The following LUZP2 variants were observed in gnomAD, a reference collection of about 807,000 sequenced individuals.
LUZP2 encodes leucine zipper protein 2.
LUZP2 carries 52 observed loss-of-function variants against 51.6 expected under a neutral mutation model. That is an observed-to-expected ratio of 1.01 (90% CI 0.81 to 1.27). The LOEUF is 1.27. LUZP2 is among the 50% of genes most tolerant of loss of function. The pLI, the probability that LUZP2 is intolerant of heterozygous loss-of-function variation, is 0.00. For synonymous variants in LUZP2, 154 were observed against 137.3 expected, an observed-to-expected ratio of 1.12 and a Z score of -0.85; for missense variants, 436 against 395.4, an observed-to-expected ratio of 1.10 and a Z score of -0.87.
At chr11:24,886,784 C>A (rs1730362001) in intron 5 of LUZP2, among the ~76,000 whole-genome samples, 1 of 152,048 alleles carries the variant, frequency 6.6e-6, no homozygotes, top group African/African-American at 2.4e-5. Flanking sequence ...GAATGCCATC[C>A]ATTTTCCTAA....
chr11:24,583,298 A>G (rs758701885), intron 1 of LUZP2, among the ~76,000 whole-genome samples: 5 of 152,118 alleles, frequency 3.3e-5, no homozygotes, highest in African/African-American at 4.8e-5. Flanking sequence ...TTTCTTAACC[A>G]GTTTGCCAGC....
At chr11:24,543,697 T>C (rs1325140352) in intron 1 of LUZP2, among the ~76,000 whole-genome samples, 4 of 151,758 alleles carry the variant, frequency 2.6e-5, no homozygotes, top group Non-Finnish European at 5.9e-5. Context: ...GGTGCGTGAC[T>C]GTAATCCCAG....
At chr11:24,718,634 T>G (rs982190822) in intron 1 of LUZP2, among the ~76,000 whole-genome samples, 2 of 152,174 alleles carry the variant, frequency 1.3e-5, no homozygotes, top group African/African-American at 4.8e-5. Flanking sequence ...TACAAAACAG[T>G]GTGCTAGTAT....
intron 5 of LUZP2, among the ~76,000 whole-genome samples, chr11:24,876,578 C>G (rs1174460735): frequency 6.9e-6 from 1 of 144,636 alleles, no homozygotes; most frequent in African/African-American, 2.6e-5. Context: ...CTTGGCGATG[C>G]GGGCTCTTTT....
chr11:24,721,244 C>A (rs1858259608), intron 1 of LUZP2, among the ~76,000 whole-genome samples: 1 of 152,004 alleles, frequency 6.6e-6, no homozygotes, highest in Non-Finnish European at 1.5e-5. Context: ...ATAACACCTG[C>A]CATAATGAAG....
chr11:24,753,666 T>C (rs1440281019), intron 4 of LUZP2, among the ~76,000 whole-genome samples: 1 of 152,180 alleles, frequency 6.6e-6, no homozygotes, highest in Non-Finnish European at 1.5e-5. Context: ...TATCAACTTT[T>C]ATAATCCTAT....
chr11:24,567,209 A>G (rs887529162), intron 1 of LUZP2, among the ~76,000 whole-genome samples: 1 of 151,406 alleles, frequency 6.6e-6, no homozygotes, highest in Non-Finnish European at 1.5e-5. Context: ...ATGAAATAAA[A>G]TTGGTTAGAG....
chr11:24,933,787 C>T (rs1386882328), intron 7 of LUZP2, among the ~76,000 whole-genome samples: 3 of 152,036 alleles, frequency 2.0e-5, no homozygotes, highest in Admixed American at 6.6e-5. Flanking sequence ...TACCTGGGTG[C>T]AGGAGGGTTG....
At chr11:25,018,652 G>T (rs1857237829) in intron 9 of LUZP2, among the ~76,000 whole-genome samples, 1 of 146,770 alleles carries the variant, frequency 6.8e-6, no homozygotes, top group Admixed American at 6.9e-5. Flanking sequence ...CTGTTGCCCA[G>T]GCTGGAGTGC....
intron 1 of LUZP2, among the ~76,000 whole-genome samples, chr11:24,561,210 T>C (rs1039837): frequency 0.42 from 63,476 of 152,006 alleles, 13,781 homozygotes; most frequent in African/African-American, 0.51. Context: ...GGAAAGCAGA[T>C]ATTTAATTAG....
At chr11:24,790,208 T>C (rs4103622) in intron 5 of LUZP2, among the ~76,000 whole-genome samples, 1 of 152,202 alleles carries the variant, frequency 6.6e-6, no homozygotes, top group Non-Finnish European at 1.5e-5. Context: ...TGTTCCTTTT[T>C]ACAGTAAAAT....
rs1269491324 is a variant in LUZP2 at position 25,034,338 on chromosome 11, C to A, written c.766-15700C>A. Among the ~76,000 whole-genome samples the A allele has an allele frequency of 2.0e-5, 3 of 151,906 alleles. No individual in the cohort carries two copies. In the South Asian group the frequency reaches 6.2e-4, roughly 31 times the overall value. On this transcript the variant is annotated intron_variant, in intron 9 of 11. Transcript: ENST00000336930. ...CTGGATATTAGGCCTTTGTTAGATG[C>A]CTAGTTTACAAATATCTTCTTCCAT...
At position 24,715,263 on chromosome 11, in the gene LUZP2, A is replaced by ATGTGTGTGTGTGTGTGTG. The variant is rs58368050; in HGVS notation, c.63-13879_63-13862dup. Among the ~76,000 whole-genome samples, 734 of 133,908 alleles carry ATGTGTGTGTGTGTGTGTG rather than the reference A, an allele frequency of 5.5e-3. 20 individuals carry two copies. The highest frequency in any genetic ancestry group is 0.018 in the East Asian group (72 of 4,056). The allele number at this position is 133,908 out of a possible 152,430, so 87.8% of individuals were successfully genotyped here. A position where few individuals can be genotyped will look rare whatever the true frequency, so the allele number is the denominator to read the frequency against. ...ATGGTATCCAATTCAAGGAGCAACT[A>ATGTGTGTGTGTGTGTGTG]TGTGTGTGTGTGTGTGTGTGTGTGT... On this transcript the variant is annotated intron_variant, in intron 1 of 11. Transcript: ENST00000336930.
At chr11:25,036,626 C>T (rs896996419) in intron 9 of LUZP2, among the ~76,000 whole-genome samples, 1 of 152,024 alleles carries the variant, frequency 6.6e-6, no homozygotes, top group Non-Finnish European at 1.5e-5. Flanking sequence ...CTTTCCTCAA[C>T]ACTACTTTGT....
chr11:24,921,540 A>G (rs953645517), intron 7 of LUZP2, among the ~76,000 whole-genome samples: 3 of 152,174 alleles, frequency 2.0e-5, no homozygotes, highest in African/African-American at 7.2e-5. Context: ...TGTGCGTATT[A>G]CAGCTTGCCA....
At chr11:24,691,837 A>G (rs1462674955) in intron 1 of LUZP2, among the ~76,000 whole-genome samples, 1 of 151,684 alleles carries the variant, frequency 6.6e-6, no homozygotes, top group Non-Finnish European at 1.5e-5. Context: ...ACCAAATGGG[A>G]CTCTTTTACT....
chr11:24,919,082 CAT>C (rs1853915856), intron 7 of LUZP2, among the ~76,000 whole-genome samples: 1 of 13,542 alleles, frequency 7.4e-5, no homozygotes, highest in Admixed American at 8.5e-4. Context: ...ATATGTATTA[CAT>C]ATAGTTATAT....
chr11:24,943,098 T>G (rs1854799963), intron 7 of LUZP2, among the ~76,000 whole-genome samples: 1 of 152,202 alleles, frequency 6.6e-6, no homozygotes, highest in South Asian at 2.1e-4. Flanking sequence ...CTCCTTTGAT[T>G]GGATTCGTAT....
intron 5 of LUZP2, among the ~76,000 whole-genome samples, chr11:24,879,692 A>T (rs192254519): frequency 1.3e-5 from 2 of 151,784 alleles, no homozygotes; most frequent in Non-Finnish European, 2.9e-5. Flanking sequence ...TTTTTTCCAT[A>T]TGTTTGTTGG....
Sources: allele counts gnomAD v4.1 joint callset (sites outside exome capture counted in the v4.1 genomes callset), GRCh38; gene constraint gnomAD v4.1.1; transcripts MANE v1.5; gene names NCBI Gene and HGNC (gene_info 2026-07-23, HGNC 2026-07-21).